The following FKBP5 variants were observed in gnomAD, a reference collection of about 807,000 sequenced individuals.
The protein encoded by FKBP5 is FKBP prolyl isomerase 5, also known as peptidyl-prolyl cis-trans isomerase FKBP5.
A neutral mutation model predicts 50.5 loss-of-function variants in FKBP5; 23 were observed. The ratio of observed to expected loss-of-function variants is 0.46; its 90% CI spans 0.33 to 0.65. The LOEUF (loss-of-function observed/expected upper bound fraction) is 0.65, where lower values mean the gene tolerates loss of function less well. FKBP5 is among the 30% of genes least tolerant of loss of function. The pLI is 0.02. For synonymous variants in FKBP5, 176 were observed against 190.6 expected, an observed-to-expected ratio of 0.92 and a Z score of 0.63; for missense variants, 411 against 553.1, an observed-to-expected ratio of 0.74 and a Z score of 2.58.
chr6:35,648,218 TTGTCTC>T (rs1399794063), intron 1 of FKBP5, among the ~76,000 whole-genome samples: 1 of 152,208 alleles, frequency 6.6e-6, no homozygotes, highest in Non-Finnish European at 1.5e-5. Flanking sequence ...TTTTTCATCT[TTGTCTC>T]TGGCTTTATA....
chr6:35,674,247 T>C (rs1765470846), intron 1 of FKBP5, among the ~76,000 whole-genome samples: 1 of 152,114 alleles, frequency 6.6e-6, no homozygotes, highest in Non-Finnish European at 1.5e-5. Flanking sequence ...AATGGCCCAG[T>C]TTAGAAGATT....
chr6:35,648,409 T>C (rs1039589888), intron 1 of FKBP5, among the ~76,000 whole-genome samples: 2 of 151,992 alleles, frequency 1.3e-5, no homozygotes, highest in East Asian at 1.9e-4. Context: ...GTTCAAACTA[T>C]AGACATGTGC....
intron 2 of FKBP5, among the ~76,000 whole-genome samples, chr6:35,695,194 C>T (rs566298254): frequency 3.3e-5 from 5 of 152,252 alleles, no homozygotes; most frequent in African/African-American, 1.2e-4. Flanking sequence ...GACAGAGTCT[C>T]GCTCTGTCAC....
chr6:35,577,964 G>T (rs905024813), intron 9 of FKBP5, among the ~76,000 whole-genome samples: 14 of 150,716 alleles, frequency 9.3e-5, no homozygotes, highest in African/African-American at 3.4e-4. Flanking sequence ...TGAGGCAGGA[G>T]AATTGCTTGA....
chr6:35,632,837 T>C (rs993771443), intron 3 of FKBP5, among the ~76,000 whole-genome samples: 2 of 149,656 alleles, frequency 1.3e-5, no homozygotes, highest in African/African-American at 4.9e-5. Context: ...CACAGTGAGC[T>C]GAGATCATGC....
At chr6:35,674,985 AG>A (rs1384658823) in intron 1 of FKBP5, among the ~76,000 whole-genome samples, 1 of 152,222 alleles carries the variant, frequency 6.6e-6, no homozygotes, top group East Asian at 1.9e-4. Flanking sequence ...CTTAGAACCT[AG>A]CAGAACTTAA....
intron 5 of FKBP5, chr6:35,607,900 TG>T: frequency 5.8e-6 from 1 of 172,732 alleles, no homozygotes. Context: ...AGCAATGTCC[TG>T]GCCACCATGA....
chr6:35,620,483 CT>C (rs1330503370), intron 3 of FKBP5, among the ~76,000 whole-genome samples: 1 of 151,380 alleles, frequency 6.6e-6, no homozygotes, highest in Non-Finnish European at 1.5e-5. Context: ...CGGCCCAGCA[CT>C]TTGGGAGGCT....
At chr6:35,671,961 C>T (rs1377422563) in intron 1 of FKBP5, among the ~76,000 whole-genome samples, 2 of 152,024 alleles carry the variant, frequency 1.3e-5, no homozygotes, top group South Asian at 2.1e-4. Flanking sequence ...CTCCGCCTCC[C>T]GGGTTCACAC....
At chr6:35,720,538 G>A (rs1439871177) in exon 2 of FKBP5, 1 of 152,340 alleles carries the variant, frequency 6.6e-6, no homozygotes, top group Non-Finnish European at 1.5e-5. Context: ...GTCCGGCAGC[G>A]AGGAATTTCC....
At chr6:35,616,314 C>CAAAAAAA (rs34779549) in intron 5 of FKBP5, among the ~76,000 whole-genome samples, 8 of 57,466 alleles carry the variant, frequency 1.4e-4, no homozygotes, top group East Asian at 5.7e-4. Flanking sequence ...GACTCCATCT[C>CAAAAAAA]AAAAAAAAAA....
At chr6:35,682,903 T>C (rs967769393) in intron 1 of FKBP5, among the ~76,000 whole-genome samples, 1 of 145,132 alleles carries the variant, frequency 6.9e-6, no homozygotes, top group Non-Finnish European at 1.5e-5. Context: ...AACAATCTCT[T>C]TTAAAAAAAA....
At position 35,722,012 on chromosome 6, in the gene FKBP5, G is replaced by A. The variant is rs114531119; in HGVS notation, c.-240-1464C>T. 3.0e-3 allele frequency among the ~76,000 whole-genome samples: 461 copies of A among 152,244 alleles called. 2 individuals carry two copies. The highest frequency in any genetic ancestry group is 0.011 in the African/African-American group (436 of 41,524). ...AAACCCTCAGCCTCCAGATGTTAAC[G>A]TGACTAGTTTATTCTTGTCATCCAG... On this transcript the variant is annotated intron_variant, in intron 1 of 11. Coordinates refer to the FKBP5 transcript ENST00000536438.
intron 2 of FKBP5, among the ~76,000 whole-genome samples, chr6:35,704,121 T>C (rs778764801): frequency 3.1e-4 from 47 of 152,218 alleles, no homozygotes; most frequent in Non-Finnish European, 4.6e-4. Context: ...CCACTAATGA[T>C]ACACCTGGTT....
At chr6:35,704,869 C>T (rs370824644) in intron 2 of FKBP5, among the ~76,000 whole-genome samples, 25 of 151,684 alleles carry the variant, frequency 1.6e-4, no homozygotes, top group African/African-American at 5.3e-4. Flanking sequence ...TGGCCGGGCG[C>T]GGTGGCTCAC....
chr6:35,673,413 G>A (rs1437371748), intron 1 of FKBP5, among the ~76,000 whole-genome samples: 1 of 151,998 alleles, frequency 6.6e-6, no homozygotes, highest in African/African-American at 2.4e-5. Context: ...AGCCAGGTGC[G>A]GTGGTGTGCA....
At chr6:35,714,954 C>A (rs1220491511) in intron 2 of FKBP5, among the ~76,000 whole-genome samples, 1 of 151,894 alleles carries the variant, frequency 6.6e-6, no homozygotes, top group Non-Finnish European at 1.5e-5. Flanking sequence ...AAAGAAAAGG[C>A]TGGAGTGTAG....
In FKBP5 at chr6:35,580,022, A is replaced by C. The variant is rs745418985; in HGVS notation, c.1026+14T>G. On this transcript the variant is annotated intron_variant, in intron 9 of 10. Transcript: ENST00000357266. ...GAGTATCTAAAGTCCATCTCACAGG[A>C]GACACGATGTTACCTTGTCACAGCA... 9 of 1,604,452 alleles carry C rather than the reference A, an allele frequency of 5.6e-6. No individual in the cohort carries two copies. The East Asian group carries it at 1.8e-4, about 32-fold the overall frequency.
intron 3 of FKBP5, among the ~76,000 whole-genome samples, chr6:35,636,405 C>T (rs958575177): frequency 1.3e-5 from 2 of 152,130 alleles, no homozygotes; most frequent in African/African-American, 2.4e-5. Context: ...TCAGATTTGC[C>T]CTTTCAAGTA....
Sources: gnomAD v4.1 joint callset for allele counts (sites outside exome capture counted in the v4.1 genomes callset) on GRCh38, gnomAD v4.1.1 for gene constraint, MANE v1.5 for transcripts, NCBI Gene and HGNC (gene_info 2026-07-23, HGNC 2026-07-21) for gene names.